The following SLC35F1 variants were observed in gnomAD, a reference collection of about 807,000 sequenced individuals.
SLC35F1 encodes solute carrier family 35 member F1.
SLC35F1 carries 14 observed loss-of-function variants against 48.7 expected under a neutral mutation model. The observed-to-expected ratio is 0.29, with a 90% confidence interval of 0.19 to 0.45. The LOEUF (loss-of-function observed/expected upper bound fraction) is 0.45. Ranked by LOEUF, SLC35F1 falls within the 20% of genes least tolerant of loss-of-function variation. The pLI is 1.00. For missense variants in SLC35F1, 404 were observed against 500.0 expected (o/e 0.81, Z 1.83); for synonymous variants, 190 against 202.2 (o/e 0.94, Z 0.51).
chr6:117,985,172 C>T (rs541375150), intron 1 of SLC35F1, among the ~76,000 whole-genome samples: 6 of 152,276 alleles, frequency 3.9e-5, no homozygotes, highest in Admixed American at 1.3e-4. Flanking sequence ...TTCCCCATTC[C>T]ATTAATACCT....
At chr6:117,941,589 C>G (rs1240760477) in intron 1 of SLC35F1, among the ~76,000 whole-genome samples, 1 of 152,164 alleles carries the variant, frequency 6.6e-6, no homozygotes, top group Non-Finnish European at 1.5e-5. Context: ...TACCTTTAAG[C>G]CAGTGGATTT....
intron 3 of SLC35F1, among the ~76,000 whole-genome samples, chr6:118,240,596 A>G (rs1775425797): frequency 6.6e-6 from 1 of 152,216 alleles, no homozygotes; most frequent in South Asian, 2.1e-4. Flanking sequence ...TAATCAAATA[A>G]CCAAACGAAT....
At chr6:118,139,211 C>T (rs1241438473) in intron 1 of SLC35F1, among the ~76,000 whole-genome samples, 1 of 152,164 alleles carries the variant, frequency 6.6e-6, no homozygotes, top group African/African-American at 2.4e-5. Flanking sequence ...CTCCCGGGTT[C>T]ACGCCATTCT....
intron 1 of SLC35F1, among the ~76,000 whole-genome samples, chr6:118,018,427 T>C (rs1351458673): frequency 6.6e-6 from 1 of 152,060 alleles, no homozygotes; most frequent in East Asian, 1.9e-4. Flanking sequence ...ACAGGGTTAT[T>C]ATGAGGTTAA....
chr6:118,183,162 T>C (rs547982317), intron 2 of SLC35F1, among the ~76,000 whole-genome samples: 1 of 152,310 alleles, frequency 6.6e-6, no homozygotes, highest in East Asian at 1.9e-4. Flanking sequence ...TAAAGTTCTG[T>C]ATTTTCTGAA....
At chr6:118,147,866 T>G (rs1001867641) in intron 1 of SLC35F1, among the ~76,000 whole-genome samples, 1 of 152,176 alleles carries the variant, frequency 6.6e-6, no homozygotes, top group Non-Finnish European at 1.5e-5. Flanking sequence ...CAGATTCAAG[T>G]CCATGAATGC....
chr6:118,153,368 T>C (rs999291551), intron 1 of SLC35F1, among the ~76,000 whole-genome samples: 12 of 152,244 alleles, frequency 7.9e-5, no homozygotes, highest in Non-Finnish European at 1.6e-4. Flanking sequence ...TTGATTATTA[T>C]ACAATGTGAA....
chr6:118,303,133 T>G (rs1353830116), intron 7 of SLC35F1, among the ~76,000 whole-genome samples: 1 of 152,200 alleles, frequency 6.6e-6, no homozygotes, highest in Non-Finnish European at 1.5e-5. Context: ...AAATATAGAA[T>G]TCCAATACTG....
intron 2 of SLC35F1, among the ~76,000 whole-genome samples, chr6:118,200,471 G>A (rs1327565130): frequency 6.6e-6 from 1 of 152,156 alleles, no homozygotes; most frequent in Non-Finnish European, 1.5e-5. Context: ...TGTCCTTCCA[G>A]GTTCCTGGTT....
intron 1 of SLC35F1, among the ~76,000 whole-genome samples, chr6:118,153,176 G>A (rs192190473): frequency 3.5e-4 from 54 of 152,226 alleles, no homozygotes; most frequent in African/African-American, 1.2e-3. Context: ...CTGTTATGGG[G>A]GAGTAAATAT....
chr6:118,078,989 C>G (rs1772866150), intron 1 of SLC35F1, among the ~76,000 whole-genome samples: 1 of 152,170 alleles, frequency 6.6e-6, no homozygotes, highest in South Asian at 2.1e-4. Flanking sequence ...GTCCTTTTGT[C>G]AGGCCACTAG....
Position 118,295,737 on chromosome 6 carries a change from A to G in SLC35F1, c.1002+10399A>G, listed in dbSNP as rs1776175588. 2.0e-5 allele frequency among the ~76,000 whole-genome samples: 3 copies of G among 152,348 alleles called. No homozygotes were observed. In the South Asian group the frequency reaches 6.2e-4, roughly 32 times the overall value. Reference sequence around the variant, plus strand: ...ACATCTTAAAAGGCTATGGATGTTAAGCTTATAGTGCCCAAATGTAATTAG... The same window carrying G: ...ACATCTTAAAAGGCTATGGATGTTAGGCTTATAGTGCCCAAATGTAATTAG... On this transcript the variant is annotated intron_variant, in intron 7 of 7. Coordinates refer to ENST00000360388, the MANE Select transcript of SLC35F1 (RefSeq NM_001029858.4).
chr6:118,076,420 C>A (rs1026272957), intron 1 of SLC35F1, among the ~76,000 whole-genome samples: 1 of 152,150 alleles, frequency 6.6e-6, no homozygotes, highest in Non-Finnish European at 1.5e-5. Context: ...AATTGACTCA[C>A]GGTTCTACAG....
At chr6:118,011,284 T>C (rs571651645) in intron 1 of SLC35F1, among the ~76,000 whole-genome samples, 29 of 152,300 alleles carry the variant, frequency 1.9e-4, no homozygotes, top group Non-Finnish European at 3.4e-4. Flanking sequence ...GCTCACAGTT[T>C]CACAGGCTGT....
intron 1 of SLC35F1, among the ~76,000 whole-genome samples, chr6:118,097,512 C>G (rs1401680917): frequency 6.6e-6 from 1 of 152,080 alleles, no homozygotes; most frequent in Non-Finnish European, 1.5e-5. Context: ...ATCTCTGTCT[C>G]GTTTACTGTT....
At chr6:118,162,653 C>T (rs905540710) in intron 2 of SLC35F1, among the ~76,000 whole-genome samples, 4 of 152,202 alleles carry the variant, frequency 2.6e-5, no homozygotes, top group Admixed American at 6.5e-5. Context: ...GCTATTCCCT[C>T]AGTCGCTTAG....
intron 2 of SLC35F1, among the ~76,000 whole-genome samples, chr6:118,187,576 C>T (rs1300101110): frequency 2.0e-5 from 3 of 152,138 alleles, no homozygotes; most frequent in Admixed American, 1.3e-4. Flanking sequence ...TTATCCAGCG[C>T]GTGGGTGGCT....
chr6:118,201,478 A>G (rs1240837298), intron 2 of SLC35F1, among the ~76,000 whole-genome samples: 1 of 152,238 alleles, frequency 6.6e-6, no homozygotes, highest in Non-Finnish European at 1.5e-5. Flanking sequence ...GGTAGAAACT[A>G]CAGTTGTTTA....
chr6:118,197,521 T>G (rs983252061), intron 2 of SLC35F1, among the ~76,000 whole-genome samples: 2 of 152,164 alleles, frequency 1.3e-5, no homozygotes, highest in African/African-American at 4.8e-5. Flanking sequence ...TAAGTAAAAG[T>G]TTCCCTATCT....
Sources: allele counts gnomAD v4.1 joint callset (sites outside exome capture counted in the v4.1 genomes callset), GRCh38; gene constraint gnomAD v4.1.1; transcripts MANE v1.5; gene names NCBI Gene and HGNC (gene_info 2026-07-23, HGNC 2026-07-21).